The following RERE variants were observed in gnomAD, a reference collection of about 807,000 sequenced individuals.
RERE encodes the protein arginine-glutamic acid dipeptide repeats.
A neutral mutation model predicts 146.1 loss-of-function variants in RERE; 40 were observed. The ratio of observed to expected loss-of-function variants is 0.27; its 90% CI spans 0.21 to 0.36. The LOEUF (loss-of-function observed/expected upper bound fraction) is 0.36, where lower values mean the gene tolerates loss of function less well. RERE is among the 10% of genes least tolerant of loss of function. The probability of loss-of-function intolerance (pLI) is 1.00; values close to 1 mark genes in which losing one functional copy is unlikely to be tolerated. For missense variants in RERE, 1,933 were observed against 2,138.7 expected, an observed-to-expected ratio of 0.90 and a Z score of 1.90; for synonymous variants, 1,003 against 866.0, an observed-to-expected ratio of 1.16 and a Z score of -2.78.
At chr1:8,482,997 A>G (rs1332078781) in intron 10 of RERE, among the ~76,000 whole-genome samples, 1 of 152,250 alleles carries the variant, frequency 6.6e-6, no homozygotes, top group Admixed American at 6.5e-5. Flanking sequence ...TTAACAGCAC[A>G]ACTTTCTGTT....
intron 1 of RERE, among the ~76,000 whole-genome samples, chr1:8,764,378 C>T (rs1014554440): frequency 6.6e-6 from 1 of 152,096 alleles, no homozygotes; most frequent in African/African-American, 2.4e-5. Flanking sequence ...AATACTGCTT[C>T]GGGTACTAAC....
intron 6 of RERE, 37 bp downstream of exon 6, chr1:8,556,438 C>A (rs758006323): frequency 1.7e-6 from 2 of 1,199,228 alleles, no homozygotes; most frequent in Admixed American, 1.7e-5. Context: ...CTCAGTGACT[C>A]CTCCTTCACA....
chr1:8,770,941 TGTA>T (rs898878657), intron 1 of RERE, among the ~76,000 whole-genome samples: 2 of 152,190 alleles, frequency 1.3e-5, no homozygotes, highest in Non-Finnish European at 2.9e-5. Flanking sequence ...ATGGAATACC[TGTA>T]ATTATTAAAA....
rs1035474927 is a variant in RERE, at chr1:8,356,437, G to A, written c.4340-191C>T. ...TCCACCTTCAGCAAGAGCTCCAGAGGCCGAGAGAAGTGACGAGCCCACCGC... is the reference window on the plus strand; with the variant it reads ...TCCACCTTCAGCAAGAGCTCCAGAGACCGAGAGAAGTGACGAGCCCACCGC... On this transcript the variant is annotated intron_variant, in intron 20 of 22. Coordinates refer to ENST00000400908, the MANE Select transcript of RERE (RefSeq NM_001042681.2). The surrounding 1 kb of genome is among the most constrained non-coding windows in gnomAD (Gnocchi z 5.2). 2.0e-5 allele frequency among the ~76,000 whole-genome samples: 3 copies of A among 152,092 alleles called. No homozygotes were observed. The highest frequency in any genetic ancestry group is 7.2e-5 in the African/African-American group (3 of 41,416).
chr1:8,704,249 T>C (rs74050274), intron 1 of RERE, among the ~76,000 whole-genome samples: 4,020 of 152,306 alleles, frequency 0.026, 165 homozygotes, highest in African/African-American at 0.091. Flanking sequence ...TTAAAGTACA[T>C]TTAAAGCATG....
intron 1 of RERE, among the ~76,000 whole-genome samples, chr1:8,741,436 CCATAATCCT>C (rs1640305514): frequency 6.6e-6 from 1 of 152,140 alleles, no homozygotes; most frequent in African/African-American, 2.4e-5. Context: ...ATTGTAAACC[CCATAATCCT>C]CATAATCCCC....
intron 4 of RERE, among the ~76,000 whole-genome samples, chr1:8,583,895 T>C (rs1191743935): frequency 6.6e-6 from 1 of 151,804 alleles, no homozygotes; most frequent in Non-Finnish European, 1.5e-5. Flanking sequence ...TATACAAACC[T>C]CATATAATGT....
At chr1:8,440,731 CA>C (rs35025831) in intron 11 of RERE, among the ~76,000 whole-genome samples, 217 of 129,082 alleles carry the variant, frequency 1.7e-3, no homozygotes, top group Middle Eastern at 4.2e-3. Flanking sequence ...ACTAAAAATA[CA>C]AAAAAAAAAA....
intron 20 of RERE, 103 bp downstream of exon 20, chr1:8,358,092 TG>T (rs1164996801): frequency 1.3e-6 from 2 of 1,492,720 alleles, no homozygotes; most frequent in Non-Finnish European, 1.8e-6. Flanking sequence ...ATGAGGGATC[TG>T]TTCAGAAAAG....
In RERE at chr1:8,597,324, A is replaced by G. The variant is rs1054041338; in HGVS notation, c.522+17237T>C. Among the ~76,000 whole-genome samples the G allele has an allele frequency of 3.9e-5, 6 of 152,140 alleles. No individual in the cohort carries two copies. The East Asian group carries it at 1.2e-3, about 29-fold the overall frequency. On this transcript the variant is annotated intron_variant, in intron 4 of 22. Coordinates refer to ENST00000400908, the MANE Select transcript of RERE (RefSeq NM_001042681.2). ...GGCTGGTCTCGAACTCCTGAACTCAAGCAATCCACCCGCTGCCTCAGCCTC... is the reference window on the plus strand; with the variant it reads ...GGCTGGTCTCGAACTCCTGAACTCAGGCAATCCACCCGCTGCCTCAGCCTC...
chr1:8,364,397 C>G lies in RERE; in HGVS notation c.1541-142G>C. On this transcript the variant is annotated intron_variant, in intron 14 of 22. Transcript: ENST00000400908. This position sits in a 1 kb window ranked among gnomAD's most constrained non-coding sequence, Gnocchi z 5.1. ...AGCCCTGGGCCCCAACACCCCAGGG[C>G]TAGTGCTGCCCTGCTCCCCCAAGGC... The G allele has an allele frequency of 1.4e-6, 1 of 735,200 alleles. No individual in the cohort carries two copies. Among genetic ancestry groups the G allele is most frequent in the Non-Finnish European group, 2.3e-6 (1 of 433,076 alleles). 45.5% of individuals were successfully genotyped at this position (735,200 alleles called of 1,614,324 possible). A position where few individuals can be genotyped will look rare whatever the true frequency, so the allele number is the denominator to read the frequency against.
At chr1:8,486,341 T>G (rs908391191) in intron 10 of RERE, among the ~76,000 whole-genome samples, 2 of 152,122 alleles carry the variant, frequency 1.3e-5, no homozygotes, top group Admixed American at 1.3e-4. Context: ...TGTTACTGAG[T>G]ACTCTTTGAC....
chr1:8,359,856 G>C lies in RERE; in HGVS notation c.3526C>G (p.Gln1176Glu). The change falls in exon 19 of 23, where the codon CAG becomes GAG. Residue 1176 changes from glutamine (Q) to glutamate (E), a missense_variant. Physicochemically the swap from Gln to Glu is conservative, Grantham distance 29 (BLOSUM62 2). Around this residue, in one of 11 missense-constraint regions of RERE, gnomAD observed 1,255 missense variants for 1,153.8 expected, o/e 1.09. Transcript: ENST00000400908. ...CGCTCTCGCTCCTCTCGGGCTTTCT[G>C]CTCAGCCTCGCGCTTGGCCTTCTCA... is the stretch of plus-strand genomic sequence containing the variant. Reference protein sequence around the residue: ...AIEKAKREAEQKAREEREREK... With the variant: ...AIEKAKREAEEKAREEREREK... The C allele has an allele frequency of 6.2e-7, 1 of 1,611,708 alleles. No individual in the cohort carries two copies. The highest frequency in any genetic ancestry group is 8.5e-7 in the Non-Finnish European group (1 of 1,179,930).
chr1:8,815,148 C>G (rs954778733), intron 1 of RERE, among the ~76,000 whole-genome samples: 1 of 152,162 alleles, frequency 6.6e-6, no homozygotes, highest in Non-Finnish European at 1.5e-5. Context: ...TGGGTTTATC[C>G]CAGGTGGACT....
At chr1:8,577,301 GCT>G (rs1025974005) in intron 4 of RERE, among the ~76,000 whole-genome samples, 3 of 151,312 alleles carry the variant, frequency 2.0e-5, no homozygotes, top group Non-Finnish European at 4.4e-5. Context: ...ATAGGCCTTT[GCT>G]CTCTCTCTCT....
At chr1:8,753,313 T>G (rs1264332814) in intron 1 of RERE, 3 of 152,218 alleles carry the variant, frequency 2.0e-5, no homozygotes, top group Admixed American at 2.0e-4. Context: ...AAAATTAATT[T>G]TTTATATTCC....
At chr1:8,523,778 T>C (rs529532287) in intron 7 of RERE, among the ~76,000 whole-genome samples, 257 of 152,296 alleles carry the variant, frequency 1.7e-3, no homozygotes, top group Non-Finnish European at 2.8e-3. Flanking sequence ...GATGGCGGCA[T>C]CCAAGCTCCA....
At chr1:8,522,697 C>A (rs992057632) in intron 7 of RERE, among the ~76,000 whole-genome samples, 1 of 151,666 alleles carries the variant, frequency 6.6e-6, no homozygotes, top group Non-Finnish European at 1.5e-5. Flanking sequence ...TATGGTGAAA[C>A]CCCGTCTCTA....
At chr1:8,539,549 G>T (rs923611088) in intron 7 of RERE, among the ~76,000 whole-genome samples, 1 of 152,062 alleles carries the variant, frequency 6.6e-6, no homozygotes, top group Admixed American at 6.5e-5. Flanking sequence ...GGGATTAAAG[G>T]TGTGTGCCAC....
Sources: allele counts gnomAD v4.1 joint callset (sites outside exome capture counted in the v4.1 genomes callset), GRCh38; gene constraint gnomAD v4.1.1; regional missense constraint gnomAD v4.1.1; non-coding constraint Gnocchi (gnomAD v3.1); transcripts MANE v1.5; gene names NCBI Gene and HGNC (gene_info 2026-07-23, HGNC 2026-07-21).